LMNB2: variants seen among roughly 807,000 people sequenced by gnomAD.
LMNB2 encodes lamin B2.
LMNB2 carries 17 observed loss-of-function variants against 69.3 expected under a neutral mutation model. The ratio of observed to expected loss-of-function variants is 0.25; its 90% CI spans 0.17 to 0.37. The LOEUF (loss-of-function observed/expected upper bound fraction) is 0.37. LMNB2 is among the 10% of genes least tolerant of loss of function. The pLI is 1.00. For missense variants in LMNB2, 789 were observed against 883.6 expected, an observed-to-expected ratio of 0.89 and a Z score of 1.36; for synonymous variants, 397 against 389.3, an observed-to-expected ratio of 1.02 and a Z score of -0.23.
intron 11 of LMNB2, 89 bp from the exon 12 acceptor site, chr19:2,431,041 A>G: frequency 2.5e-6 from 2 of 812,904 alleles, no homozygotes; most frequent in Non-Finnish European, 4.4e-6. Context: ...CCTCCCCACC[A>G]GGGAGGGGCT....
At chr19:2,449,942 G>T (rs1972001055) in intron 1 of LMNB2, among the ~76,000 whole-genome samples, 1 of 151,948 alleles carries the variant, frequency 6.6e-6, no homozygotes, top group Non-Finnish European at 1.5e-5. Context: ...GGGCATGGTG[G>T]TGTATGCCTG....
chr19:2,431,674 C>A lies in LMNB2; in HGVS notation c.1711-16G>T. On this transcript the variant is annotated splice_polypyrimidine_tract_variant and intron_variant, in intron 10 of 11. Transcript: ENST00000325327. ...TGGCCACTTCCTGTGCGGGACAGGA[C>A]ACGGCGGCATGTCCCGGGATCGGGC... 2 of 1,614,102 alleles carry A rather than the reference C, an allele frequency of 1.2e-6. No individual in the cohort carries two copies. Among genetic ancestry groups the A allele is most frequent in the African/African-American group, 1.3e-5 (1 of 75,058 alleles).
At chr19:2,431,036 C>T (rs1352559657) in intron 11 of LMNB2, 84 bp from the exon 12 acceptor site, 2 of 845,776 alleles carry the variant, frequency 2.4e-6, no homozygotes, top group Non-Finnish European at 4.1e-6. Context: ...CCCCACCTCC[C>T]CACCAGGGAG....
At chr19:2,450,521 C>T in intron 1 of LMNB2, among the ~76,000 whole-genome samples, 1 of 151,864 alleles carries the variant, frequency 6.6e-6, no homozygotes, top group East Asian at 1.9e-4. Context: ...GCCACCGCAC[C>T]TGGCATAAGA....
chr19:2,438,627 C>T (rs1971857122), intron 2 of LMNB2, 96 bp from the exon 3 acceptor site: 1 of 1,461,526 alleles, frequency 6.8e-7, no homozygotes, highest in Admixed American at 2.1e-5. Flanking sequence ...AAGACAAGGT[C>T]ACCGAGGCCT....
Position 2,453,473 on chromosome 19 carries a change from C to T in LMNB2, c.264+3197G>A, listed in dbSNP as rs781172088. 2.2e-4 allele frequency among the ~76,000 whole-genome samples: 34 copies of T among 152,098 alleles called. No homozygotes were observed. Among genetic ancestry groups the T allele is most frequent in the Admixed American group, 3.9e-4 (6 of 15,282 alleles). On this transcript the variant is annotated intron_variant, in intron 1 of 11. Transcript: ENST00000325327. The surrounding 1 kb of genome is among the most constrained non-coding windows in gnomAD (Gnocchi z 4.4). ...GACGTCCCCCCACCAGCGGCCCCCA[C>T]CCCAGCAGGCTTCCAACTCTGCTCC...
Position 2,453,446 on chromosome 19 carries a change from A to G in LMNB2, c.264+3224T>C, listed in dbSNP as rs1972052277. ...GGTCACTCCCTCCATGTGGGCCCACATGACGTCCCCCCACCAGCGGCCCCC... is the reference window on the plus strand; with the variant it reads ...GGTCACTCCCTCCATGTGGGCCCACGTGACGTCCCCCCACCAGCGGCCCCC... On this transcript the variant is annotated intron_variant, in intron 1 of 11. Transcript: ENST00000325327. This position sits in a 1 kb window ranked among gnomAD's most constrained non-coding sequence, Gnocchi z 4.4. Among the ~76,000 whole-genome samples the G allele has an allele frequency of 6.6e-6, 1 of 150,706 alleles. No individual in the cohort carries two copies. The highest frequency in any genetic ancestry group is 2.4e-5 in the African/African-American group (1 of 40,830).
At chr19:2,444,098 C>T (rs1971927343) in intron 2 of LMNB2, among the ~76,000 whole-genome samples, 1 of 152,216 alleles carries the variant, frequency 6.6e-6, no homozygotes, top group Non-Finnish European at 1.5e-5. Context: ...TGTGCAAGCG[C>T]GTGTGCACAC....
chr19:2,435,336 G>A lies in LMNB2; in HGVS notation c.685-165C>T, dbSNP rs56126113. On this transcript the variant is annotated intron_variant, in intron 4 of 11. Transcript: ENST00000325327. The stretch of plus-strand genomic sequence containing the variant: ...GCAGGTGAGAGGCGACCCAGGGGCC[G>A]TCCACGCGCTAGAACGTGACTCAGC... 0.091 allele frequency among the ~76,000 whole-genome samples: 13,892 copies of A among 152,242 alleles called. 922 individuals carry two copies. The highest frequency in any genetic ancestry group is 0.37 in the East Asian group (1,922 of 5,166).
At chr19:2,444,684 A>T in intron 1 of LMNB2, 144 bp from the exon 2 acceptor site, 4 of 1,078,502 alleles carry the variant, frequency 3.7e-6, no homozygotes, top group Non-Finnish European at 5.5e-6. Flanking sequence ...ACACTGGGAC[A>T]CCCTGTGTTG....
Position 2,446,387 on chromosome 19 carries a change from C to T in LMNB2, c.265-1847G>A, listed in dbSNP as rs111652397. ...CCCGCGCAAAGCCCCCAAACCCGCC[C>T]CTCTCGAGGGCCTCCAGGTGAACTC... is the stretch of plus-strand genomic sequence containing the variant. On this transcript the variant is annotated intron_variant, in intron 1 of 11. Transcript: ENST00000325327. 1.6e-3 allele frequency among the ~76,000 whole-genome samples: 236 copies of T among 152,124 alleles called. 1 individual carries two copies. Among genetic ancestry groups the T allele is most frequent in the African/African-American group, 5.6e-3 (232 of 41,524 alleles).
chr19:2,453,995 TG>T lies in LMNB2; in HGVS notation c.264+2674del, dbSNP rs1972060091. ...GGGGCCTGCCCAAAGCCACACTAAT[TG>T]AAAAGCAGGGGACTGGCCAGGCACG... On this transcript the variant is annotated intron_variant, in intron 1 of 11. Coordinates refer to ENST00000325327, the MANE Select transcript of LMNB2 (RefSeq NM_032737.4). This position sits in a 1 kb window ranked among gnomAD's most constrained non-coding sequence, Gnocchi z 4.4. Among the ~76,000 whole-genome samples, 1 of 151,980 alleles carries T rather than the reference TG, an allele frequency of 6.6e-6. No individual in the cohort carries two copies. The highest frequency in any genetic ancestry group is 1.5e-5 in the Non-Finnish European group (1 of 67,974).
intron 4 of LMNB2, chr19:2,436,659 GCCCTCTCGCCTCCACGGCCA>G (rs1413414412): frequency 2.0e-5 from 2 of 98,554 alleles, no homozygotes; most frequent in African/African-American, 8.1e-5. Flanking sequence ...CTCCACGGCC[GCCCTCTCGCCTCCACGGCCA>G]CCCTCCCGCC....
At position 2,435,076 on chromosome 19, in the gene LMNB2, C is replaced by G; in HGVS notation, c.780G>C (p.Leu260=). The change falls in exon 5 of 12, where the codon CTG becomes CTC. Residue 260 remains leucine (L), a synonymous_variant. Transcript: ENST00000325327. ...CGTCGTGCTGGCTCCGCAGCTCCTC[C>G]AGCGCCTGTGCCATCTTGAAGTCGT... ...QEYDFKMAQA[L]EELRSQHDEQ... 2 of 1,610,836 alleles carry G rather than the reference C, an allele frequency of 1.2e-6. No individual in the cohort carries two copies. The highest frequency in any genetic ancestry group is 1.7e-6 in the Non-Finnish European group (2 of 1,179,754).
chr19:2,434,877 TGTC>T lies in LMNB2; in HGVS notation c.889_891del (p.Asp297del). 1.2e-6 allele frequency: 2 copies of T among 1,607,314 alleles called. No homozygotes were observed. Among genetic ancestry groups the T allele is most frequent in the South Asian group, 1.1e-5 (1 of 90,970 alleles). ...TCCTCGCGAGCCGCACTGGCCGCCT[TGTC>T]GTTCTGGTCAGAGCTCAGCTTGGCG... is the stretch of plus-strand genomic sequence containing the variant. On this transcript the variant is annotated inframe_deletion, in exon 6 of 12. Transcript: ENST00000325327.
At chr19:2,437,426 G>A (rs545403137) in intron 4 of LMNB2, among the ~76,000 whole-genome samples, 31 of 152,234 alleles carry the variant, frequency 2.0e-4, no homozygotes, top group Non-Finnish European at 4.0e-4. Context: ...GATCCCAGGC[G>A]GCCAGGGTTC....
At chr19:2,434,739 C>A in intron 6 of LMNB2, 49 bp downstream of exon 6, 1 of 1,573,074 alleles carries the variant, frequency 6.4e-7, no homozygotes, top group Non-Finnish European at 8.6e-7. Context: ...AGGGCAGGGC[C>A]CAGAAGTTGG....
In LMNB2 at chr19:2,452,896, CGTCATCCTCGTGGGGGATGG is replaced by C. The variant is rs1048226763; in HGVS notation, c.264+3754_264+3773del. Reference sequence around the variant, plus strand: ...GGCCGTGTTACCCTCATGGAGGCTGCGTCATCCTCGTGGGGGATGGGTCATCCTCATGGGGGCTGCGTCAT... The same window carrying C: ...GGCCGTGTTACCCTCATGGAGGCTGCGTCATCCTCATGGGGGCTGCGTCAT... On this transcript the variant is annotated intron_variant, in intron 1 of 11. Transcript: ENST00000325327. Among the ~76,000 whole-genome samples, 55 of 148,272 alleles carry C rather than the reference CGTCATCCTCGTGGGGGATGG, an allele frequency of 3.7e-4. 2 individuals are homozygous for C. The South Asian group carries it at 0.011, about 29-fold the overall frequency.
intron 1 of LMNB2, among the ~76,000 whole-genome samples, chr19:2,455,543 T>C (rs1051705535): frequency 6.6e-6 from 1 of 152,190 alleles, no homozygotes; most frequent in Admixed American, 6.5e-5. Flanking sequence ...GTAACCCCCA[T>C]GGCCCCAAAA....
Sources: gnomAD v4.1 joint callset for allele counts (sites outside exome capture counted in the v4.1 genomes callset) on GRCh38, gnomAD v4.1.1 for gene constraint, Gnocchi (gnomAD v3.1) non-coding constraint, MANE v1.5 for transcripts, NCBI Gene and HGNC (gene_info 2026-07-23, HGNC 2026-07-21) for gene names.